Variants in KIAA1217 observed in about 807,000 individuals in gnomAD.
KIAA1217 encodes the protein KIAA1217.
In KIAA1217, 88 loss-of-function variants were observed where a neutral mutation model predicts 163.9. The ratio of observed to expected loss-of-function variants is 0.54; its 90% confidence interval spans 0.45 to 0.64. The LOEUF is 0.64. Ranked by LOEUF, KIAA1217 falls within the 30% of genes least tolerant of loss-of-function variation. The pLI, the probability that KIAA1217 is intolerant of heterozygous loss-of-function variation, is 0.00. For synonymous variants in KIAA1217, 903 were observed against 923.1 expected (o/e 0.98, Z 0.39); for missense variants, 2,372 against 2,475.0 (o/e 0.96, Z 0.88).
At chr10:24,211,852 T>A (rs1397908153) in intron 1 of KIAA1217, among the ~76,000 whole-genome samples, 1 of 151,878 alleles carries the variant, frequency 6.6e-6, no homozygotes, top group South Asian at 2.1e-4. Flanking sequence ...CCAAAGCATT[T>A]CCTGTAGCCT....
intron 2 of KIAA1217, among the ~76,000 whole-genome samples, chr10:24,348,099 G>A (rs923936236): frequency 5.3e-5 from 8 of 152,206 alleles, no homozygotes; most frequent in Non-Finnish European, 1.0e-4. Flanking sequence ...GCTCACGCCT[G>A]TAATCCCAGC....
intron 1 of KIAA1217, among the ~76,000 whole-genome samples, chr10:23,981,986 A>G (rs1178623444): frequency 6.6e-6 from 1 of 151,926 alleles, no homozygotes; most frequent in African/African-American, 2.4e-5. Flanking sequence ...AGCGCTGCAG[A>G]GTTGAGAGGT....
chr10:23,822,662 G>A, intron 1 of KIAA1217, among the ~76,000 whole-genome samples: 1 of 152,104 alleles, frequency 6.6e-6, no homozygotes, highest in Non-Finnish European at 1.5e-5. Flanking sequence ...CTTCCATTCT[G>A]GTGGTGTGGT....
intron 1 of KIAA1217, among the ~76,000 whole-genome samples, chr10:23,826,123 T>C (rs1837884242): frequency 6.6e-6 from 1 of 152,182 alleles, no homozygotes; most frequent in African/African-American, 2.4e-5. Flanking sequence ...TCTATCTAGA[T>C]TTAACATTCT....
chr10:23,965,049 G>A (rs1057323142), intron 1 of KIAA1217, among the ~76,000 whole-genome samples: 2 of 152,196 alleles, frequency 1.3e-5, no homozygotes, highest in Non-Finnish European at 2.9e-5. Context: ...TGAAAATATA[G>A]TCACACAAAC....
chr10:24,467,550 G>A (rs936934105), intron 5 of KIAA1217, among the ~76,000 whole-genome samples: 2 of 152,162 alleles, frequency 1.3e-5, no homozygotes, highest in African/African-American at 4.8e-5. Context: ...TTCAGATAAG[G>A]GGTTAGAAGA....
chr10:24,126,562 T>C (rs1389853949), intron 2 of KIAA1217, among the ~76,000 whole-genome samples: 1 of 152,162 alleles, frequency 6.6e-6, no homozygotes, highest in Non-Finnish European at 1.5e-5. Context: ...TGAGCTCATC[T>C]TCAATGGGGA....
chr10:24,011,596 C>T (rs1331129786), intron 2 of KIAA1217, among the ~76,000 whole-genome samples: 4 of 152,152 alleles, frequency 2.6e-5, no homozygotes, highest in African/African-American at 9.6e-5. Flanking sequence ...GTTAACATTG[C>T]AGAAACCAGA....
chr10:24,383,491 G>A (rs1044529043), intron 3 of KIAA1217, among the ~76,000 whole-genome samples: 6 of 152,198 alleles, frequency 3.9e-5, no homozygotes, highest in African/African-American at 9.6e-5. Flanking sequence ...TGAGGGTGGC[G>A]GGTGTTTTCG....
chr10:24,059,803 G>A (rs549926736), intron 2 of KIAA1217, among the ~76,000 whole-genome samples: 44 of 152,172 alleles, frequency 2.9e-4, no homozygotes, highest in African/African-American at 1.0e-3. Context: ...CTGACCTCAC[G>A]ATCCGCCCAC....
At chr10:24,474,189 G>A (rs2063786258) in intron 6 of KIAA1217, 129 bp downstream of exon 6, 5 of 696,536 alleles carry the variant, frequency 7.2e-6, no homozygotes, top group Non-Finnish European at 1.2e-5. Flanking sequence ...TGTGGATGCT[G>A]CAGGAGTCAC....
chr10:23,723,102 T>C (rs1426242598), intron 1 of KIAA1217, among the ~76,000 whole-genome samples: 1 of 152,176 alleles, frequency 6.6e-6, no homozygotes, highest in Non-Finnish European at 1.5e-5. Flanking sequence ...CAGAAAGTAA[T>C]GAACTAAAAT....
chr10:24,399,896 G>C (rs1437642821), intron 3 of KIAA1217, among the ~76,000 whole-genome samples: 1 of 152,120 alleles, frequency 6.6e-6, no homozygotes, highest in Non-Finnish European at 1.5e-5. Flanking sequence ...GTTTGAAAGC[G>C]ATGAAAGGAA....
rs1173416069 is a variant in KIAA1217 at position 24,473,583 on chromosome 10, A to G, written c.1202A>G (p.Glu401Gly). The G allele has an allele frequency of 6.2e-7, 1 of 1,614,176 alleles. No individual in the cohort carries two copies. Among genetic ancestry groups the G allele is most frequent in the Non-Finnish European group, 8.5e-7 (1 of 1,180,024 alleles). ...TATGCTGATCCTTACCTTTATCACG[A>G]GGGACGGATGAGCATAGCCTCATCC... ...GFYADPYLYHEGRMSIASSHG... is the reference protein window; with the variant it reads ...GFYADPYLYHGGRMSIASSHG... Residue 401 changes from glutamate (E) to glycine (G), a missense_variant, in exon 6 of 21, where the codon GAG becomes GGG. Physicochemically the swap from Glu to Gly is moderately conservative, Grantham distance 98 (BLOSUM62 -2). Transcript: ENST00000376454.
At chr10:24,135,843 A>G (rs1021414995) in intron 2 of KIAA1217, among the ~76,000 whole-genome samples, 1 of 152,162 alleles carries the variant, frequency 6.6e-6, no homozygotes, top group Non-Finnish European at 1.5e-5. Flanking sequence ...AGAGGCTGCA[A>G]TTTGAAATCT....
chr10:24,249,612 G>A (rs2074244812), intron 2 of KIAA1217, among the ~76,000 whole-genome samples: 1 of 152,042 alleles, frequency 6.6e-6, no homozygotes, highest in African/African-American at 2.4e-5. Flanking sequence ...TCATGCCAAT[G>A]CAATACAATA....
Position 24,286,092 on chromosome 10 carries a change from C to T in KIAA1217, c.354+66183C>T, listed in dbSNP as rs118178194. Among the ~76,000 whole-genome samples, 1,444 of 152,202 alleles carry T rather than the reference C, an allele frequency of 9.5e-3. 28 individuals carry two copies. The highest frequency in any genetic ancestry group is 0.084 in the East Asian group (434 of 5,178). ...CTGAAGCCTTAGTGAAGTTGTTTATCAGGTCTAGGAGCCTTTTGGCAAAGT... is the reference window on the plus strand; with the variant it reads ...CTGAAGCCTTAGTGAAGTTGTTTATTAGGTCTAGGAGCCTTTTGGCAAAGT... On this transcript the variant is annotated intron_variant, in intron 2 of 20. Coordinates refer to ENST00000376454, the MANE Select transcript of KIAA1217 (RefSeq NM_019590.5).
chr10:23,986,491 A>C (rs776156082), intron 1 of KIAA1217, among the ~76,000 whole-genome samples: 16 of 152,220 alleles, frequency 1.1e-4, no homozygotes, highest in Non-Finnish European at 1.5e-4. Flanking sequence ...ATTACTTACA[A>C]TATCTAATGC....
rs1423781460 is a variant in KIAA1217, at chr10:24,380,932, T to C, written c.418T>C (p.Leu140=). 6 of 1,608,682 alleles carry C rather than the reference T, an allele frequency of 3.7e-6. No individual in the cohort carries two copies. The highest frequency in any genetic ancestry group is 5.1e-6 in the Non-Finnish European group (6 of 1,177,004). ...CAGTCTGGGTGACCCGGTCGAGCATTTATCAGAGACGTCCGCTGATTCTTT... is the reference window on the plus strand; with the variant it reads ...CAGTCTGGGTGACCCGGTCGAGCATCTATCAGAGACGTCCGCTGATTCTTT... ...PPSLGDPVEH[L]SETSADSLEA... The change falls in exon 3 of 21, where the codon TTA becomes CTA. Residue 140 remains leucine, a synonymous_variant. Coordinates refer to ENST00000376454, the MANE Select transcript of KIAA1217 (RefSeq NM_019590.5).
Sources: allele counts gnomAD v4.1 joint callset (sites outside exome capture counted in the v4.1 genomes callset), GRCh38; gene constraint gnomAD v4.1.1; transcripts MANE v1.5; gene names NCBI Gene and HGNC (gene_info 2026-07-23, HGNC 2026-07-21).